The following ANGPTL4 variants were observed in gnomAD, a reference collection of about 807,000 sequenced individuals.
ANGPTL4 encodes angiopoietin like 4.
Under a neutral mutation model 39.2 loss-of-function variants are expected in ANGPTL4, and 39 were observed. The ratio of observed to expected loss-of-function variants is 1.00; its 90% CI spans 0.77 to 1.30. The LOEUF (loss-of-function observed/expected upper bound fraction) is 1.30, where lower values mean the gene tolerates loss of function less well. ANGPTL4 is among the 50% of genes most tolerant of loss of function. ANGPTL4 has a pLI of 0.00. For synonymous variants in ANGPTL4, 233 were observed against 229.5 expected, an observed-to-expected ratio of 1.02 and a Z score of -0.14; for missense variants, 545 against 549.8, an observed-to-expected ratio of 0.99 and a Z score of 0.09.
intron 4 of ANGPTL4, among the ~76,000 whole-genome samples, chr19:8,370,391 T>C (rs890540624): frequency 6.6e-6 from 1 of 151,854 alleles, no homozygotes; most frequent in African/African-American, 2.4e-5. Context: ...CACTCCAACC[T>C]GGGCAACACA....
At position 8,373,757 on chromosome 19, in the gene ANGPTL4, C is replaced by G; in HGVS notation, c.1092C>G (p.Phe364Leu). 2 of 1,614,024 alleles carry G rather than the reference C, an allele frequency of 1.2e-6. No homozygotes were observed. Reference protein sequence around the residue: ...CSHSNLNGQYFRSIPQQRQKL... With the variant: ...CSHSNLNGQYLRSIPQQRQKL... The stretch of plus-strand genomic sequence containing the variant: ...ATTCCAACCTCAACGGCCAGTACTT[C>G]CGCTCCATCCCACAGCAGCGGCAGA... Residue 364 changes from phenylalanine (F) to leucine (L), a missense_variant, in exon 7 of 7, where the codon TTC becomes TTG. Phe to Leu is a conservative substitution (Grantham distance 22). Transcript: ENST00000301455.
intron 3 of ANGPTL4, among the ~76,000 whole-genome samples, chr19:8,368,838 A>G (rs1461747418): frequency 6.6e-6 from 1 of 152,180 alleles, no homozygotes; most frequent in East Asian, 1.9e-4. Flanking sequence ...CTGGCGACAG[A>G]GCGAGACTCC....
intron 4 of ANGPTL4, among the ~76,000 whole-genome samples, chr19:8,370,656 C>T (rs1255015383): frequency 1.4e-5 from 2 of 143,270 alleles, no homozygotes; most frequent in Admixed American, 7.3e-5. Flanking sequence ...GCTGAGATTG[C>T]GGCACTGCGA....
At position 8,364,570 on chromosome 19, in the gene ANGPTL4, C is replaced by G; in HGVS notation, c.249C>G (p.Thr83=). The stretch of plus-strand genomic sequence containing the variant: ...CGTGCGGGTCCGCCTGTCAGGGAAC[C>G]GAGGGGTCCACCGACCTCCCGTTAG... ...LSACGSACQG[T]EGSTDLPLAP... is the part of the protein sequence containing the mutation. Residue 83 remains threonine (T), a synonymous_variant, in exon 1 of 7, where the codon ACC becomes ACG. Transcript: ENST00000301455. 1 of 1,585,668 alleles carries G rather than the reference C, an allele frequency of 6.3e-7. No individual in the cohort carries two copies. Among genetic ancestry groups the G allele is most frequent in the Non-Finnish European group, 8.6e-7 (1 of 1,167,548 alleles).
Position 8,364,339 on chromosome 19 carries a change from G to T in ANGPTL4, c.18G>T (p.Thr6=). The T allele has an allele frequency of 6.5e-7, 1 of 1,545,994 alleles. No homozygotes were observed. The change falls in exon 1 of 7, where the codon ACG becomes ACT. Residue 6 remains threonine, a synonymous_variant. Coordinates refer to ENST00000301455, the MANE Select transcript of ANGPTL4 (RefSeq NM_139314.3). ...CTAAGAGGATGAGCGGTGCTCCGAC[G>T]GCCGGGGCAGCCCTGATGCTCTGCG... The part of the protein sequence containing the change: MSGAP[T]AGAALMLCAA...
At chr19:8,370,086 C>T (rs1270189253) in intron 4 of ANGPTL4, among the ~76,000 whole-genome samples, 1 of 151,898 alleles carries the variant, frequency 6.6e-6, no homozygotes, top group African/African-American at 2.4e-5. Context: ...ACCTGTAATC[C>T]CAGCTACTCA....
intron 3 of ANGPTL4, 27 bp from the exon 4 acceptor site, chr19:8,369,192 T>G: frequency 6.3e-7 from 1 of 1,592,618 alleles, no homozygotes; most frequent in Non-Finnish European, 8.6e-7. Context: ...CCCTCCTGTT[T>G]CAAGTCTCCA....
rs769637836 is a variant in ANGPTL4, at chr19:8,364,465, C to T, written c.144C>T (p.Leu48=). Residue 48 remains leucine, a synonymous_variant, in exon 1 of 7, where the codon CTC becomes CTT. Transcript: ENST00000301455. ...AGATGAATGTCCTGGCGCACGGACT[C>T]CTGCAGCTCGGCCAGGGGCTGCGCG... ...WDEMNVLAHG[L]LQLGQGLREH... The T allele has an allele frequency of 7.0e-6, 11 of 1,562,210 alleles. No individual in the cohort carries two copies. The highest frequency in any genetic ancestry group is 5.4e-5 in the African/African-American group (4 of 74,000).
At chr19:8,373,085 A>G (rs1971156058) in intron 6 of ANGPTL4, among the ~76,000 whole-genome samples, 2 of 152,162 alleles carry the variant, frequency 1.3e-5, no homozygotes, top group South Asian at 4.1e-4. Flanking sequence ...CCTGGCCAAC[A>G]TGGTGAAACC....
At chr19:8,367,960 A>G (rs373896493) in intron 3 of ANGPTL4, among the ~76,000 whole-genome samples, 84 of 151,756 alleles carry the variant, frequency 5.5e-4, no homozygotes, top group African/African-American at 1.8e-3. Flanking sequence ...CAGCCTCTCA[A>G]GTAGATGGGA....
At chr19:8,370,801 A>G (rs1971100597) in intron 4 of ANGPTL4, among the ~76,000 whole-genome samples, 1 of 151,358 alleles carries the variant, frequency 6.6e-6, no homozygotes, top group Non-Finnish European at 1.5e-5. Context: ...CAGCTGGCCC[A>G]GAGAGGCTTT....
intron 6 of ANGPTL4, among the ~76,000 whole-genome samples, chr19:8,372,534 C>T (rs1057499890): frequency 4.7e-5 from 7 of 150,222 alleles, no homozygotes; most frequent in Non-Finnish European, 1.0e-4. Flanking sequence ...CACGGTGGCT[C>T]ACACTTGCAA....
intron 4 of ANGPTL4, among the ~76,000 whole-genome samples, chr19:8,370,113 G>A (rs1971084638): frequency 6.6e-6 from 1 of 152,258 alleles, no homozygotes; most frequent in South Asian, 2.1e-4. Context: ...TGAGGCAGGA[G>A]AATCTCTTGA....
rs376328756 is a variant in ANGPTL4, at chr19:8,371,145, C to T, written c.751C>T (p.Pro251Ser). ...AGCCTACAAGGCGGGGTTTGGGGAT[C>T]CCCACGGTAGGTGTTTCTAGTGGGG... ...WEAYKAGFGD[P>S]HGEFWLGLEK... Residue 251 changes from proline to serine, a missense_variant, in exon 5 of 7, where the codon CCC becomes TCC. Pro to Ser is a moderately conservative substitution (Grantham distance 74, BLOSUM62 -1). Transcript: ENST00000301455. This position sits in a 1 kb window ranked among gnomAD's most constrained non-coding sequence, Gnocchi z 5.1. 1 of 1,613,582 alleles carries T rather than the reference C, an allele frequency of 6.2e-7. No individual in the cohort carries two copies. Among genetic ancestry groups the T allele is most frequent in the African/African-American group, 1.3e-5 (1 of 74,926 alleles).
Position 8,373,754 on chromosome 19 carries a change from C to T in ANGPTL4, c.1089C>T (p.Tyr363=). The change falls in exon 7 of 7, where the codon TAC becomes TAT. Residue 363 remains tyrosine, a synonymous_variant. Coordinates refer to ENST00000301455, the MANE Select transcript of ANGPTL4 (RefSeq NM_139314.3). ...GCCATTCCAACCTCAACGGCCAGTA[C>T]TTCCGCTCCATCCCACAGCAGCGGC... The part of the protein sequence containing the change: ...TCSHSNLNGQ[Y]FRSIPQQRQK... The T allele has an allele frequency of 6.2e-7, 1 of 1,614,052 alleles. No homozygotes were observed. The highest frequency in any genetic ancestry group is 8.5e-7 in the Non-Finnish European group (1 of 1,180,036).
At chr19:8,368,117 C>T (rs113446232) in intron 3 of ANGPTL4, among the ~76,000 whole-genome samples, 2,731 of 151,652 alleles carry the variant, frequency 0.018, 79 homozygotes, top group African/African-American at 0.059. Flanking sequence ...CTCCCGGGTT[C>T]AAGTGATTCT....
At position 8,369,165 on chromosome 19, in the gene ANGPTL4, A is replaced by AC. The variant is rs368972947; in HGVS notation, c.548-46dup. On this transcript the variant is annotated intron_variant, in intron 3 of 6. Coordinates refer to ENST00000301455, the MANE Select transcript of ANGPTL4 (RefSeq NM_139314.3). ...CCCCCAGATATGCCTGGCTCCTGAG[A>AC]CCCCCCCCAGGGGCTGCCCTCCTGT... 2,739 of 1,441,828 alleles carry AC rather than the reference A, an allele frequency of 1.9e-3. 5 individuals are homozygous for AC. Among genetic ancestry groups the AC allele is most frequent in the Non-Finnish European group, 2.2e-3 (2,297 of 1,045,730 alleles). The allele number at this position is 1,441,828 out of a possible 1,614,324, so 89.3% of individuals were successfully genotyped here. A position where few individuals can be genotyped will look rare whatever the true frequency, so the allele number is the denominator to read the frequency against.
At chr19:8,372,462 C>G (rs1351235549) in intron 6 of ANGPTL4, among the ~76,000 whole-genome samples, 2 of 134,038 alleles carry the variant, frequency 1.5e-5, no homozygotes, top group African/African-American at 5.7e-5. Context: ...GGTGCGATCT[C>G]GGCTCACTGC....
Position 8,366,071 on chromosome 19 carries a change from C to G in ANGPTL4, c.429+7C>G, listed in dbSNP as rs1258132544. On this transcript the variant is annotated splice_region_variant and intron_variant, in intron 2 of 6. Transcript: ENST00000301455. ...TCAGCATCTGCAAAGCCAGGTAACC[C>G]TAGGATCAAGGGAGAAAAGGTCCCT... 1 of 1,613,570 alleles carries G rather than the reference C, an allele frequency of 6.2e-7. No individual in the cohort carries two copies. The highest frequency in any genetic ancestry group is 1.7e-5 in the Admixed American group (1 of 59,972).
Sources: allele counts gnomAD v4.1 joint callset (sites outside exome capture counted in the v4.1 genomes callset), GRCh38; gene constraint gnomAD v4.1.1; non-coding constraint Gnocchi (gnomAD v3.1); transcripts MANE v1.5; gene names NCBI Gene and HGNC (gene_info 2026-07-23, HGNC 2026-07-21).